The following TCERG1L variants were observed in gnomAD, a reference collection of about 807,000 sequenced individuals.
TCERG1L encodes transcription elongation regulator 1 like.
TCERG1L carries 37 observed loss-of-function variants against 56.3 expected under a neutral mutation model. The observed-to-expected ratio is 0.66, with a 90% CI of 0.51 to 0.87. The LOEUF (loss-of-function observed/expected upper bound fraction) is 0.87, where lower values mean the gene tolerates loss of function less well. TCERG1L is among the 40% of genes least tolerant of loss of function. The pLI, the probability that TCERG1L is intolerant of heterozygous loss-of-function variation, is 0.00. For synonymous variants in TCERG1L, 324 were observed against 326.3 expected (o/e 0.99, Z 0.08); for missense variants, 799 against 774.2 (o/e 1.03, Z -0.38).
chr10:131,154,543 G>A (rs1488718599), intron 6 of TCERG1L, among the ~76,000 whole-genome samples: 3 of 152,204 alleles, frequency 2.0e-5, no homozygotes, highest in East Asian at 1.9e-4. Context: ...GCCCTTTGCC[G>A]TCTTCTCTCC....
intron 7 of TCERG1L, among the ~76,000 whole-genome samples, chr10:131,140,538 T>TC (rs1008557508): frequency 4.0e-5 from 6 of 151,896 alleles, no homozygotes; most frequent in African/African-American, 9.7e-5. Context: ...TAACCTCAGG[T>TC]CCCCCCCATC....
rs551996020 is a variant in TCERG1L, at chr10:131,302,134, C to T, written c.670+6077G>A. Among the ~76,000 whole-genome samples the T allele has an allele frequency of 2.6e-5, 4 of 152,104 alleles. No homozygotes were observed. In the South Asian group the frequency reaches 8.3e-4, roughly 32 times the overall value. The stretch of plus-strand genomic sequence containing the variant: ...CTTGCGAGGCATAAATTGCTTCAAT[C>T]ACAAGATGCTTTCCTCATAATTCTC... On this transcript the variant is annotated intron_variant, in intron 3 of 11. Transcript: ENST00000368642.
intron 4 of TCERG1L, among the ~76,000 whole-genome samples, chr10:131,193,423 C>A (rs1312241247): frequency 6.6e-6 from 1 of 152,170 alleles, no homozygotes; most frequent in Non-Finnish European, 1.5e-5. Context: ...TTTGCTTAGA[C>A]CAATGTCCGG....
At position 131,118,867 on chromosome 10, in the gene TCERG1L, T is replaced by A. The variant is rs74445317; in HGVS notation, c.1260-1933A>T. On this transcript the variant is annotated intron_variant, in intron 8 of 11. Coordinates refer to ENST00000368642, the MANE Select transcript of TCERG1L (RefSeq NM_174937.4). The surrounding 1 kb of genome is among the most constrained non-coding windows in gnomAD (Gnocchi z 4.2). ...GGGGATGATTTTGCCCCAGGGGACA[T>A]TTGGTAAGGTCTGGAAACATTTGTG... Among the ~76,000 whole-genome samples the A allele has an allele frequency of 0.021, 3,246 of 152,190 alleles. 199 individuals carry two copies. The highest frequency in any genetic ancestry group is 0.19 in the East Asian group (975 of 5,172).
intron 4 of TCERG1L, among the ~76,000 whole-genome samples, chr10:131,174,956 C>A (rs75107111): frequency 0.024 from 3,681 of 151,976 alleles, 105 homozygotes; most frequent in South Asian, 0.079. Context: ...CCTGAACCCA[C>A]CCCAATAATG....
intron 4 of TCERG1L, among the ~76,000 whole-genome samples, chr10:131,239,295 C>T (rs1845946851): frequency 6.6e-6 from 1 of 152,036 alleles, no homozygotes; most frequent in East Asian, 1.9e-4. Flanking sequence ...ATATAAGAAC[C>T]AAAGATAAAC....
At chr10:131,155,158 CCAA>C (rs1331161888) in intron 6 of TCERG1L, among the ~76,000 whole-genome samples, 1 of 152,228 alleles carries the variant, frequency 6.6e-6, no homozygotes, top group Non-Finnish European at 1.5e-5. Flanking sequence ...CTGCACGGCA[CCAA>C]CAACGGAGGC....
chr10:131,280,397 CGAGGGACAACCCAAAGCCAAGTTGGGA>C lies in TCERG1L; in HGVS notation c.671-19980_671-19954del, dbSNP rs534179989. Among the ~76,000 whole-genome samples the C allele has an allele frequency of 8.2e-5, 11 of 134,206 alleles. No individual in the cohort carries two copies. The South Asian group carries it at 2.4e-3, about 29-fold the overall frequency. The allele number at this position is 134,206 out of a possible 152,430, so 88.0% of individuals were successfully genotyped here. ...GATGAACCTTGGTTTGGTCTGGAAACGAGGGACAACCCAAAGCCAAGTTGGGAAGACTGGAAGCAGGAGGGGCTTCCA... is the reference window on the plus strand; with the variant it reads ...GATGAACCTTGGTTTGGTCTGGAAACAGACTGGAAGCAGGAGGGGCTTCCA... On this transcript the variant is annotated intron_variant, in intron 3 of 11. Transcript: ENST00000368642.
chr10:131,102,649 C>T (rs1046868495), intron 10 of TCERG1L, among the ~76,000 whole-genome samples: 3 of 152,146 alleles, frequency 2.0e-5, no homozygotes, highest in Non-Finnish European at 2.9e-5. Flanking sequence ...CTGTTTTCAG[C>T]GGCTCTTCTT....
In TCERG1L at chr10:131,260,287, T is replaced by A; in HGVS notation, c.828A>T (p.Lys276Asn). ...PRHFLTLAPI[K>N]IPLRTSPVSD... is the part of the protein sequence containing the mutation. ...AGACGGGGGACGTCCGGAGGGGTAT[T>A]TTGATGGGTGCCAAGGTCAGGAAGT... Residue 276 changes from lysine (K) to asparagine (N), a missense_variant, in exon 4 of 12, where the codon AAA becomes AAT. Physicochemically the swap from Lys to Asn is moderately conservative, Grantham distance 94. Transcript: ENST00000368642. The surrounding 1 kb of genome is among the most constrained non-coding windows in gnomAD (Gnocchi z 5.8). 7.1e-7 allele frequency: 1 copy of A among 1,408,594 alleles called. No individual in the cohort carries two copies. Among genetic ancestry groups the A allele is most frequent in the Non-Finnish European group, 9.3e-7 (1 of 1,078,042 alleles). The allele number at this position is 1,408,594 out of a possible 1,614,324, so 87.3% of individuals were successfully genotyped here.
At chr10:131,144,046 T>C (rs1031523620) in intron 7 of TCERG1L, among the ~76,000 whole-genome samples, 2 of 151,478 alleles carry the variant, frequency 1.3e-5, no homozygotes, top group Non-Finnish European at 2.9e-5. Context: ...ACGTCTCCTA[T>C]CCCCACTGAA....
chr10:131,125,066 A>G (rs1187108749), intron 8 of TCERG1L, among the ~76,000 whole-genome samples: 1 of 152,242 alleles, frequency 6.6e-6, no homozygotes, highest in African/African-American at 2.4e-5. Flanking sequence ...CATTTAAGGT[A>G]TTTAACACAA....
chr10:131,176,785 CAG>C (rs1491130677), intron 4 of TCERG1L, among the ~76,000 whole-genome samples: 1 of 1,838 alleles, frequency 5.4e-4, no homozygotes, highest in Non-Finnish European at 1.7e-3. Context: ...CATGGACACA[CAG>C]AGATACACGT....
At chr10:131,227,956 T>A (rs2133505767) in intron 4 of TCERG1L, among the ~76,000 whole-genome samples, 1 of 152,180 alleles carries the variant, frequency 6.6e-6, no homozygotes, top group African/African-American at 2.4e-5. Context: ...TGCATTTCCG[T>A]CTTTGCCCTC....
intron 4 of TCERG1L, among the ~76,000 whole-genome samples, chr10:131,176,296 GCACA>G (rs1264852745): frequency 6.7e-6 from 1 of 149,046 alleles, no homozygotes; most frequent in South Asian, 2.2e-4. Context: ...CAAGAAACAT[GCACA>G]CACAGAGACA....
chr10:131,166,813 C>G lies in TCERG1L; in HGVS notation c.929G>C (p.Gly310Ala). 6.2e-7 allele frequency: 1 copy of G among 1,613,970 alleles called. No homozygotes were observed. The highest frequency in any genetic ancestry group is 8.5e-7 in the Non-Finnish European group (1 of 1,179,904). ...LMLRAQKSRD[G>A]DKEDKEPPPM... ...GAAACTGACCTTGTCTTCTTTGTCT[C>G]CATCCCGGCTCTTCTGGGCCCGCAG... is the stretch of plus-strand genomic sequence containing the variant. Residue 310 changes from glycine (G) to alanine (A), a missense_variant, in exon 5 of 12, where the codon GGA becomes GCA. Gly to Ala is a moderately conservative substitution (Grantham distance 60). Coordinates refer to ENST00000368642, the MANE Select transcript of TCERG1L (RefSeq NM_174937.4).
chr10:131,211,796 A>G (rs577747763), intron 4 of TCERG1L, among the ~76,000 whole-genome samples: 40 of 152,338 alleles, frequency 2.6e-4, no homozygotes, highest in African/African-American at 9.4e-4. Flanking sequence ...GCCACTTGCC[A>G]GCGTCACCTC....
At chr10:131,109,930 C>T (rs1476960574) in intron 9 of TCERG1L, among the ~76,000 whole-genome samples, 2 of 152,222 alleles carry the variant, frequency 1.3e-5, no homozygotes, top group East Asian at 3.9e-4. Context: ...AGTTTCCAAA[C>T]TCGGCAGATG....
At chr10:131,249,518 G>A (rs568678654) in intron 4 of TCERG1L, among the ~76,000 whole-genome samples, 1 of 152,216 alleles carries the variant, frequency 6.6e-6, no homozygotes, top group African/African-American at 2.4e-5. Flanking sequence ...GAGGACAGTG[G>A]CCCTCTCCAG....
Sources: allele counts gnomAD v4.1 joint callset (sites outside exome capture counted in the v4.1 genomes callset), GRCh38; gene constraint gnomAD v4.1.1; non-coding constraint Gnocchi (gnomAD v3.1); transcripts MANE v1.5; gene names NCBI Gene and HGNC (gene_info 2026-07-23, HGNC 2026-07-21).